Variants in PAPPA2 observed in about 807,000 individuals in gnomAD.
PAPPA2 encodes pappalysin-2.
Under a neutral mutation model 176.4 loss-of-function variants are expected in PAPPA2, and 86 were observed. The observed-to-expected ratio is 0.49, with a 90% CI of 0.41 to 0.58. PAPPA2 has a LOEUF of 0.58. Ranked by LOEUF, PAPPA2 falls within the 20% of genes least tolerant of loss-of-function variation. The pLI is 0.00. For missense variants in PAPPA2, 2,073 were observed against 2,256.9 expected (o/e 0.92, Z 1.65); for synonymous variants, 809 against 852.2 (o/e 0.95, Z 0.88).
chr1:176,558,006 T>C (rs528626331), intron 2 of PAPPA2, among the ~76,000 whole-genome samples: 9 of 152,218 alleles, frequency 5.9e-5, no homozygotes, highest in Non-Finnish European at 1.2e-4. Flanking sequence ...CACACAGATC[T>C]TGCTTTTCAT....
intron 14 of PAPPA2, among the ~76,000 whole-genome samples, chr1:176,748,618 A>G (rs2102883995): frequency 1.3e-5 from 2 of 152,346 alleles, no homozygotes; most frequent in African/African-American, 4.8e-5. Context: ...ATAAAATTAC[A>G]GTCATGTACC....
chr1:176,568,286 A>G (rs1341606169), intron 2 of PAPPA2, among the ~76,000 whole-genome samples: 1 of 152,250 alleles, frequency 6.6e-6, no homozygotes, highest in African/African-American at 2.4e-5. Flanking sequence ...TCACTCTAAA[A>G]AAATCTATTG....
rs1399446003 is a variant in PAPPA2 at position 176,690,418 on chromosome 1, A to G, written c.2419A>G (p.Met807Val). 2.5e-6 allele frequency: 4 copies of G among 1,614,106 alleles called. No individual in the cohort carries two copies. The highest frequency in any genetic ancestry group is 2.2e-5 in the East Asian group (1 of 44,858). ...CCCAGGGGCTCCGTTCACCAACTAC[A>G]TGAGCTACACGGGTATCACCACTGT... ...RFPGAPFTNY[M>V]SYTDDNCTDN... Residue 807 changes from methionine to valine, a missense_variant, in exon 5 of 23, where the codon ATG becomes GTG. This residue lies in a region of PAPPA2 where 1,196 missense variants were observed against 1,330.4 expected (regional missense o/e 0.90). Coordinates refer to ENST00000367662, the MANE Select transcript of PAPPA2 (RefSeq NM_020318.3).
At position 176,692,392 on chromosome 1, in the gene PAPPA2, T is replaced by C. The variant is rs1318501304; in HGVS notation, c.2624+74T>C. The C allele has an allele frequency of 3.5e-6, 5 of 1,418,872 alleles. No individual in the cohort carries two copies. The East Asian group carries it at 6.9e-5, about 20-fold the overall frequency. 87.9% of individuals were successfully genotyped at this position (1,418,872 alleles called of 1,614,324 possible). A position where few individuals can be genotyped will look rare whatever the true frequency, so the allele number is the denominator to read the frequency against. ...TTTCATATGAATGAGGGGAAGAATA[T>C]GAATCCAGGGGAACTCCAATTTGGA... On this transcript the variant is annotated intron_variant, in intron 6 of 22. Coordinates refer to ENST00000367662, the MANE Select transcript of PAPPA2 (RefSeq NM_020318.3).
At chr1:176,641,242 G>A (rs1657069836) in intron 3 of PAPPA2, among the ~76,000 whole-genome samples, 8 of 152,212 alleles carry the variant, frequency 5.3e-5, no homozygotes, top group Admixed American at 5.2e-4. Flanking sequence ...TGCTTTTGGT[G>A]TTTTAGACAT....
At chr1:176,527,180 T>C (rs1649544207) in intron 1 of PAPPA2, among the ~76,000 whole-genome samples, 1 of 152,168 alleles carries the variant, frequency 6.6e-6, no homozygotes, top group African/African-American at 2.4e-5. Context: ...GTGAAAGATA[T>C]TGTATCGAAG....
At chr1:176,623,755 C>CT (rs1324662008) in intron 3 of PAPPA2, among the ~76,000 whole-genome samples, 1,435 of 94,198 alleles carry the variant, frequency 0.015, 39 homozygotes, top group African/African-American at 0.055. Flanking sequence ...TCTTTCCTTC[C>CT]TTCCTTTCTT....
intron 1 of PAPPA2, among the ~76,000 whole-genome samples, chr1:176,513,481 C>T (rs1041287629): frequency 1.3e-5 from 2 of 152,212 alleles, no homozygotes; most frequent in South Asian, 4.2e-4. Flanking sequence ...CTGCTTCTCA[C>T]TTGAGGCATT....
intron 1 of PAPPA2, among the ~76,000 whole-genome samples, chr1:176,503,006 G>C (rs922135075): frequency 1.3e-4 from 20 of 152,084 alleles, no homozygotes; most frequent in African/African-American, 4.6e-4. Flanking sequence ...CAAATTTCGT[G>C]GTTTAAAATG....
intron 15 of PAPPA2, among the ~76,000 whole-genome samples, chr1:176,766,831 A>C (rs1663990701): frequency 6.6e-6 from 1 of 152,212 alleles, no homozygotes; most frequent in African/African-American, 2.4e-5. Flanking sequence ...TCGAGGAAAA[A>C]AACAGAAAGA....
intron 3 of PAPPA2, chr1:176,616,214 A>G (rs574293726): frequency 1.2e-5 from 5 of 423,780 alleles, no homozygotes; most frequent in African/African-American, 1.0e-4. Flanking sequence ...AATGTGTATA[A>G]CAAATTAGGT....
intron 6 of PAPPA2, among the ~76,000 whole-genome samples, chr1:176,692,705 C>G (rs1481590883): frequency 6.6e-6 from 1 of 152,182 alleles, no homozygotes; most frequent in Non-Finnish European, 1.5e-5. Context: ...CATGCTTCTC[C>G]AGGCACTTCT....
At chr1:176,819,336 A>G (rs1666561380) in intron 21 of PAPPA2, among the ~76,000 whole-genome samples, 1 of 152,048 alleles carries the variant, frequency 6.6e-6, no homozygotes, top group South Asian at 2.1e-4. Context: ...GTTGTTGTTA[A>G]ATTAAGCCTA....
chr1:176,789,023 T>C (rs919727133), intron 17 of PAPPA2, among the ~76,000 whole-genome samples: 1 of 152,208 alleles, frequency 6.6e-6, no homozygotes, highest in African/African-American at 2.4e-5. Context: ...ATAACCTTTT[T>C]TGTACCCCAT....
intron 3 of PAPPA2, among the ~76,000 whole-genome samples, chr1:176,659,230 A>C (rs1299689308): frequency 1.3e-5 from 2 of 152,050 alleles, no homozygotes; most frequent in Non-Finnish European, 2.9e-5. Flanking sequence ...AAACCACAGT[A>C]ATATATTGTC....
chr1:176,838,640 T>G (rs1317764029), intron 21 of PAPPA2, among the ~76,000 whole-genome samples: 1 of 152,220 alleles, frequency 6.6e-6, no homozygotes, highest in Non-Finnish European at 1.5e-5. Context: ...GGGACCTGAG[T>G]CTTGATTCTA....
intron 3 of PAPPA2, among the ~76,000 whole-genome samples, chr1:176,615,024 G>A (rs1343435113): frequency 1.3e-5 from 2 of 152,090 alleles, no homozygotes; most frequent in Admixed American, 6.5e-5. Context: ...CTTCTGATAA[G>A]TATGGAAAAA....
At chr1:176,581,245 T>C (rs138933945) in intron 2 of PAPPA2, among the ~76,000 whole-genome samples, 97 of 152,330 alleles carry the variant, frequency 6.4e-4, no homozygotes, top group African/African-American at 2.0e-3. Context: ...ATGTACTTGG[T>C]ACCTTAGTCA....
chr1:176,474,989 C>T (rs1652045545), intron 1 of PAPPA2, among the ~76,000 whole-genome samples: 1 of 152,058 alleles, frequency 6.6e-6, no homozygotes, highest in Non-Finnish European at 1.5e-5. Context: ...AAACTAAATA[C>T]AAAAATAGAA....
Sources: allele counts gnomAD v4.1 joint callset (sites outside exome capture counted in the v4.1 genomes callset), GRCh38; gene constraint gnomAD v4.1.1; regional missense constraint gnomAD v4.1.1; transcripts MANE v1.5; gene names NCBI Gene and HGNC (gene_info 2026-07-23, HGNC 2026-07-21).